The following RNF157 variants were observed in gnomAD, a reference collection of about 807,000 sequenced individuals.
RNF157 encodes E3 ubiquitin ligase RNF157.
RNF157 carries 55 observed loss-of-function variants against 88.3 expected under a neutral mutation model. The observed-to-expected ratio is 0.62, with a 90% CI of 0.50 to 0.78. The LOEUF is 0.78. Among genes scored for constraint, RNF157 ranks in the 30% least tolerant of loss-of-function variants. The pLI, the probability that RNF157 is intolerant of heterozygous loss-of-function variation, is 0.00. For synonymous variants in RNF157, 334 were observed against 341.2 expected, an observed-to-expected ratio of 0.98 and a Z score of 0.23; for missense variants, 788 against 860.8, an observed-to-expected ratio of 0.92 and a Z score of 1.06.
intron 1 of RNF157, among the ~76,000 whole-genome samples, chr17:76,219,565 A>G (rs2069946411): frequency 6.6e-6 from 1 of 152,146 alleles, no homozygotes; most frequent in Non-Finnish European, 1.5e-5. Context: ...GACAGAAGGT[A>G]GATTTCTTTG....
rs373845100 is a variant in RNF157 at position 76,155,747 on chromosome 17, G to C, written c.1526-13C>G. 34 of 1,532,978 alleles carry C rather than the reference G, an allele frequency of 2.2e-5. No homozygotes were observed. The African/African-American group carries it at 3.2e-4, about 14-fold the overall frequency. The allele number at this position is 1,532,978 out of a possible 1,614,324, so 95.0% of individuals were successfully genotyped here. ...CTGCTGGCAGGGCCTTTGGAGACAG[G>C]GGATGGGGAAAGGAGCCTGGAGGTC... On this transcript the variant is annotated splice_polypyrimidine_tract_variant and intron_variant, in intron 14 of 18. Coordinates refer to ENST00000269391, the MANE Select transcript of RNF157 (RefSeq NM_052916.3).
chr17:76,171,334 G>T (rs1300443350), intron 3 of RNF157, among the ~76,000 whole-genome samples: 3 of 151,972 alleles, frequency 2.0e-5, no homozygotes, highest in Non-Finnish European at 4.4e-5. Context: ...GATTACAGAT[G>T]CGTGCCACCA....
intron 3 of RNF157, among the ~76,000 whole-genome samples, chr17:76,172,975 C>T (rs867183409): frequency 6.6e-6 from 1 of 152,058 alleles, no homozygotes; most frequent in Non-Finnish European, 1.5e-5. Context: ...AGAACAGACA[C>T]ATGATATAGG....
At chr17:76,187,890 G>T (rs138618985) in intron 2 of RNF157, among the ~76,000 whole-genome samples, 26 of 152,214 alleles carry the variant, frequency 1.7e-4, no homozygotes, top group African/African-American at 6.3e-4. Flanking sequence ...GAGCCACCAC[G>T]CCCAGCCCTG....
intron 2 of RNF157, among the ~76,000 whole-genome samples, chr17:76,200,236 C>T (rs373896504): frequency 1.3e-5 from 2 of 150,772 alleles, no homozygotes; most frequent in Non-Finnish European, 2.9e-5. Flanking sequence ...AGCGGGACTC[C>T]GTCTTGTCAA....
intron 2 of RNF157, among the ~76,000 whole-genome samples, chr17:76,206,982 T>C (rs993464048): frequency 1.3e-5 from 2 of 152,242 alleles, no homozygotes; most frequent in Non-Finnish European, 2.9e-5. Flanking sequence ...ACCTGAGTGA[T>C]ACGTTTGCCA....
At chr17:76,201,744 G>A (rs564686232) in intron 2 of RNF157, among the ~76,000 whole-genome samples, 1 of 151,986 alleles carries the variant, frequency 6.6e-6, no homozygotes, top group African/African-American at 2.4e-5. Flanking sequence ...AAGTCATGTG[G>A]TTGTGGACAT....
chr17:76,214,171 A>C (rs2069849796), intron 1 of RNF157, among the ~76,000 whole-genome samples: 1 of 152,142 alleles, frequency 6.6e-6, no homozygotes, highest in Non-Finnish European at 1.5e-5. Context: ...TTGCACCCTC[A>C]ACCTGTGGGA....
intron 14 of RNF157, 87 bp downstream of exon 14, chr17:76,156,123 C>A: frequency 9.5e-7 from 1 of 1,048,950 alleles, no homozygotes; most frequent in Non-Finnish European, 1.5e-6. Context: ...GCTTGCCACT[C>A]CCATGTCCCT....
At position 76,220,665 on chromosome 17, in the gene RNF157, T is replaced by A. The variant is rs527814887; in HGVS notation, c.89-8183A>T. Among the ~76,000 whole-genome samples the A allele has an allele frequency of 3.3e-5, 5 of 152,138 alleles. No individual in the cohort carries two copies. The South Asian group carries it at 1.0e-3, about 32-fold the overall frequency. On this transcript the variant is annotated intron_variant, in intron 1 of 18. Coordinates refer to ENST00000269391, the MANE Select transcript of RNF157 (RefSeq NM_052916.3). ...CTCTACAAATTTATTATTTTTTTTT[T>A]TTTAGTTAGCTGGGCCAGGCGCAGT...
At chr17:76,228,520 G>C (rs1034024591) in intron 1 of RNF157, among the ~76,000 whole-genome samples, 1 of 152,020 alleles carries the variant, frequency 6.6e-6, no homozygotes, top group African/African-American at 2.4e-5. Flanking sequence ...TAACACTTGC[G>C]TTCCTCTCTC....
chr17:76,207,492 C>T (rs2145005528), intron 2 of RNF157, among the ~76,000 whole-genome samples: 1 of 152,044 alleles, frequency 6.6e-6, no homozygotes, highest in South Asian at 2.1e-4. Context: ...AAGTACAGCT[C>T]AGTCAAATGA....
In RNF157 at chr17:76,214,667, A is replaced by G. The variant is rs16968732; in HGVS notation, c.89-2185T>C. The stretch of plus-strand genomic sequence containing the variant: ...ATACCCTCTCCACCTCAAATTCATT[A>G]ACAGTGCTAATGGCCAGAACTGCTG... On this transcript the variant is annotated intron_variant, in intron 1 of 18. Coordinates refer to ENST00000269391, the MANE Select transcript of RNF157 (RefSeq NM_052916.3). 4.1e-3 allele frequency among the ~76,000 whole-genome samples: 619 copies of G among 152,350 alleles called. 4 individuals are homozygous for G. Among genetic ancestry groups the G allele is most frequent in the African/African-American group, 0.014 (582 of 41,580 alleles).
chr17:76,239,177 G>C (rs1043573896), intron 1 of RNF157, among the ~76,000 whole-genome samples: 1 of 152,138 alleles, frequency 6.6e-6, no homozygotes, highest in African/African-American at 2.4e-5. Context: ...GAAGTCTTGA[G>C]AATAAAATTA....
At chr17:76,180,933 G>A (rs9899673) in intron 2 of RNF157, among the ~76,000 whole-genome samples, 30,884 of 152,008 alleles carry the variant, frequency 0.2, 3,215 homozygotes, top group Middle Eastern at 0.26. Flanking sequence ...TGTAAGTTCC[G>A]TGTGTATGCT....
chr17:76,197,146 G>T (rs2069491423), intron 2 of RNF157, among the ~76,000 whole-genome samples: 1 of 152,200 alleles, frequency 6.6e-6, no homozygotes, highest in Non-Finnish European at 1.5e-5. Context: ...CACTGAGGTG[G>T]GTGGAAAGTG....
In RNF157 at chr17:76,146,256, G is replaced by T; in HGVS notation, c.1922-903C>A. ...GGCACATCAGTTTACTGTGGGCCTT[G>T]GTTTTCTCACCCATCAGATGGGACA... On this transcript the variant is annotated intron_variant, in intron 18 of 18. Coordinates refer to ENST00000269391, the MANE Select transcript of RNF157 (RefSeq NM_052916.3). The surrounding 1 kb of genome is among the most constrained non-coding windows in gnomAD (Gnocchi z 4.2). 1 of 741,836 alleles carries T rather than the reference G, an allele frequency of 1.3e-6. No homozygotes were observed. The highest frequency in any genetic ancestry group is 1.6e-6 in the Non-Finnish European group (1 of 607,452). The allele number at this position is 741,836 out of a possible 1,614,324, so 46.0% of individuals were successfully genotyped here.
chr17:76,236,471 G>A (rs1007781839), intron 1 of RNF157, among the ~76,000 whole-genome samples: 6 of 152,100 alleles, frequency 3.9e-5, no homozygotes, highest in African/African-American at 1.4e-4. Flanking sequence ...AAGATGCAAA[G>A]ATCTTAGAGA....
rs2069463428 is a variant in RNF157, at chr17:76,195,475, G to T, written c.207+16889C>A. Among the ~76,000 whole-genome samples, 1 of 152,214 alleles carries T rather than the reference G, an allele frequency of 6.6e-6. No individual in the cohort carries two copies. Among genetic ancestry groups the T allele is most frequent in the Non-Finnish European group, 1.5e-5 (1 of 68,034 alleles). On this transcript the variant is annotated intron_variant, in intron 2 of 18. Coordinates refer to ENST00000269391, the MANE Select transcript of RNF157 (RefSeq NM_052916.3). This position sits in a 1 kb window ranked among gnomAD's most constrained non-coding sequence, Gnocchi z 4.4. ...GAATCACTTTGAAAAGCGGTTAGCG[G>T]TATCTACTACAGCATATTCTATGAC...
Sources: gnomAD v4.1 joint callset for allele counts (sites outside exome capture counted in the v4.1 genomes callset) on GRCh38, gnomAD v4.1.1 for gene constraint, Gnocchi (gnomAD v3.1) non-coding constraint, MANE v1.5 for transcripts, NCBI Gene and HGNC (gene_info 2026-07-23, HGNC 2026-07-21) for gene names.